ZNF462: variants seen among roughly 807,000 people sequenced by gnomAD.
ZNF462 encodes zinc finger protein 462.
A neutral mutation model predicts 201.9 loss-of-function variants in ZNF462; 10 were observed. That is an observed-to-expected ratio of 0.05 (90% confidence interval 0.03 to 0.08). The LOEUF is 0.08. ZNF462 is among the 10% of genes least tolerant of loss of function. The probability of loss-of-function intolerance (pLI) is 1.00; values close to 1 mark genes in which losing one functional copy is unlikely to be tolerated. For missense variants in ZNF462, 2,523 were observed against 3,168.3 expected, an observed-to-expected ratio of 0.80 and a Z score of 4.89; for synonymous variants, 1,227 against 1,193.3, an observed-to-expected ratio of 1.03 and a Z score of -0.58.
At position 106,919,737 on chromosome 9, in the gene ZNF462, G is replaced by A. The variant is rs1370614484; in HGVS notation, c.-30-3617G>A. Among the ~76,000 whole-genome samples, 1 of 152,196 alleles carries A rather than the reference G, an allele frequency of 6.6e-6. No homozygotes were observed. The highest frequency in any genetic ancestry group is 1.5e-5 in the Non-Finnish European group (1 of 68,028). ...GTTAGGAGGACCAGTCACATTAGGT[G>A]CCAGTTATTTTAGAATGAATCTGTG... is the stretch of plus-strand genomic sequence containing the variant. On this transcript the variant is annotated intron_variant, in intron 1 of 12. Coordinates refer to ENST00000277225, the MANE Select transcript of ZNF462 (RefSeq NM_021224.6). The surrounding 1 kb of genome is among the most constrained non-coding windows in gnomAD (Gnocchi z 4.5).
rs1005512175 is a variant in ZNF462, at chr9:106,926,838, A to G, written c.2926A>G (p.Thr976Ala). 3.1e-6 allele frequency: 5 copies of G among 1,614,002 alleles called. No homozygotes were observed. The highest frequency in any genetic ancestry group is 1.3e-5 in the African/African-American group (1 of 74,910). ...QQEGLNTESQ[T>A]LREILNSAPK... ...GGAAGGGCTGAATACAGAATCCCAG[A>G]CCCTGAGGGAGATTCTGAATTCGGC... is the stretch of plus-strand genomic sequence containing the variant. The change falls in exon 3 of 13, where the codon ACC becomes GCC. Residue 976 changes from threonine (T) to alanine (A), a missense_variant. Coordinates refer to ENST00000277225, the MANE Select transcript of ZNF462 (RefSeq NM_021224.6). The surrounding 1 kb of genome is among the most constrained non-coding windows in gnomAD (Gnocchi z 7.9).
rs1564172543 is a variant in ZNF462 at position 107,010,049 on chromosome 9, G to C, written c.7313+381G>C. ...GCCTCTCTGACTGATCATTCCCTGA[G>C]TGGCCCTGAACATTCCCATGTACTG... On this transcript the variant is annotated intron_variant, in intron 12 of 12. Transcript: ENST00000277225. The surrounding 1 kb of genome is among the most constrained non-coding windows in gnomAD (Gnocchi z 4.6). Among the ~76,000 whole-genome samples, 2 of 152,116 alleles carry C rather than the reference G, an allele frequency of 1.3e-5. No individual in the cohort carries two copies. The highest frequency in any genetic ancestry group is 2.9e-5 in the Non-Finnish European group (2 of 68,026).
intron 1 of ZNF462, among the ~76,000 whole-genome samples, chr9:106,914,286 T>C (rs557847298): frequency 6.6e-6 from 1 of 152,026 alleles, no homozygotes; most frequent in South Asian, 2.1e-4. Context: ...GATCATTAAG[T>C]TTTCAGTCTC....
chr9:106,899,760 C>G (rs374749818), intron 1 of ZNF462, among the ~76,000 whole-genome samples: 10 of 152,132 alleles, frequency 6.6e-5, no homozygotes, highest in African/African-American at 2.4e-4. Context: ...AACAACAGCT[C>G]ATTCTCAGGT....
intron 1 of ZNF462, among the ~76,000 whole-genome samples, chr9:106,903,591 A>C (rs575215568): frequency 6.6e-6 from 1 of 152,176 alleles, no homozygotes; most frequent in South Asian, 2.1e-4. Context: ...TTATTTTATA[A>C]ATTTGGGAGC....
intron 7 of ZNF462, among the ~76,000 whole-genome samples, chr9:106,941,519 A>G (rs1168464184): frequency 6.6e-6 from 1 of 152,180 alleles, no homozygotes; most frequent in African/African-American, 2.4e-5. Flanking sequence ...AGGGATTCTT[A>G]CTTTTATCCT....
At chr9:106,973,387 T>G (rs975076258) in intron 8 of ZNF462, among the ~76,000 whole-genome samples, 6 of 152,134 alleles carry the variant, frequency 3.9e-5, no homozygotes, top group African/African-American at 1.4e-4. Flanking sequence ...GTGTGTTCTA[T>G]CTCTATTAAT....
At chr9:106,989,955 G>A (rs181857986) in intron 10 of ZNF462, among the ~76,000 whole-genome samples, 24 of 151,754 alleles carry the variant, frequency 1.6e-4, no homozygotes, top group African/African-American at 4.1e-4. Context: ...TCTTGCTAAT[G>A]GTCTATCAAT....
At position 106,863,195 on chromosome 9, in the gene ZNF462, G is replaced by A. The variant is rs1827133390; in HGVS notation, c.-191G>A. On this transcript the variant is annotated 5_prime_UTR_variant, in exon 1 of 13. Transcript: ENST00000277225. ...CTGAGGAGCCGAGGAAGGCAGGGAA[G>A]ATGGCGATCCTCCATTGCTGAGACC... 2.0e-5 allele frequency: 8 copies of A among 399,198 alleles called. No homozygotes were observed. In the Admixed American group the frequency reaches 3.1e-4, roughly 15 times the overall value. 24.7% of individuals were successfully genotyped at this position (399,198 alleles called of 1,614,324 possible). A position where few individuals can be genotyped will look rare whatever the true frequency, so the allele number is the denominator to read the frequency against.
At position 106,950,905 on chromosome 9, in the gene ZNF462, C is replaced by A. The variant is rs1831314372; in HGVS notation, c.6427+11798C>A. On this transcript the variant is annotated intron_variant, in intron 7 of 12. Coordinates refer to ENST00000277225, the MANE Select transcript of ZNF462 (RefSeq NM_021224.6). This position sits in a 1 kb window ranked among gnomAD's most constrained non-coding sequence, Gnocchi z 4.1. The stretch of plus-strand genomic sequence containing the variant: ...AGGAGTTCAAGACCAGCCTGGCCAA[C>A]ATAGTGAAACCCCATCTCTACTAAA... 6.6e-6 allele frequency among the ~76,000 whole-genome samples: 1 copy of A among 152,042 alleles called. No individual in the cohort carries two copies. Among genetic ancestry groups the A allele is most frequent in the African/African-American group, 2.4e-5 (1 of 41,384 alleles).
intron 1 of ZNF462, among the ~76,000 whole-genome samples, chr9:106,866,079 TGGA>T (rs1356044761): frequency 6.6e-6 from 1 of 152,138 alleles, no homozygotes; most frequent in African/African-American, 2.4e-5. Flanking sequence ...AATGAAAACT[TGGA>T]GGAGATTCAG....
In ZNF462 at chr9:106,865,374, G is replaced by A. The variant is rs2130772270; in HGVS notation, c.-31+2019G>A. ...TTTCCTCCTTGTGAAGATGGTGATG[G>A]CCCTAAGCTGAGATTTTTTTGAGTT... On this transcript the variant is annotated intron_variant, in intron 1 of 12. Coordinates refer to ENST00000277225, the MANE Select transcript of ZNF462 (RefSeq NM_021224.6). The surrounding 1 kb of genome is among the most constrained non-coding windows in gnomAD (Gnocchi z 4.1). 6.6e-6 allele frequency among the ~76,000 whole-genome samples: 1 copy of A among 152,204 alleles called. No individual in the cohort carries two copies. Among genetic ancestry groups the A allele is most frequent in the South Asian group, 2.1e-4 (1 of 4,802 alleles).
chr9:106,956,586 C>T (rs901425858), intron 7 of ZNF462, among the ~76,000 whole-genome samples: 12 of 151,920 alleles, frequency 7.9e-5, no homozygotes, highest in Middle Eastern at 3.2e-3. Flanking sequence ...TTATTAACTT[C>T]CCCTTAGCTG....
intron 7 of ZNF462, among the ~76,000 whole-genome samples, chr9:106,951,732 G>A (rs1831357283): frequency 1.3e-5 from 2 of 152,068 alleles, no homozygotes; most frequent in Non-Finnish European, 1.5e-5. Flanking sequence ...GGTACCATAA[G>A]CCTGTCCAAG....
rs967194606 is a variant in ZNF462, at chr9:106,993,149, A to G, written c.7056+8740A>G. ...CGTAGAATGTATTTTCAGTTAAAGG[A>G]TTTCATTAAAAAGAACTGAACATTC... On this transcript the variant is annotated intron_variant, in intron 10 of 12. Transcript: ENST00000277225. This position sits in a 1 kb window ranked among gnomAD's most constrained non-coding sequence, Gnocchi z 4.0. Among the ~76,000 whole-genome samples, 2 of 152,168 alleles carry G rather than the reference A, an allele frequency of 1.3e-5. No homozygotes were observed. Among genetic ancestry groups the G allele is most frequent in the Admixed American group, 6.5e-5 (1 of 15,274 alleles).
rs367766250 is a variant in ZNF462 at position 106,911,707 on chromosome 9, A to G, written c.-30-11647A>G. ...CGTGAACAAACATAGAGATCTCAAC[A>G]TCTTCCTGATTTTCTAAGCTATTCT... On this transcript the variant is annotated intron_variant, in intron 1 of 12. Coordinates refer to ENST00000277225, the MANE Select transcript of ZNF462 (RefSeq NM_021224.6). 1.2e-4 allele frequency among the ~76,000 whole-genome samples: 18 copies of G among 152,292 alleles called. No individual in the cohort carries two copies. In the South Asian group the frequency reaches 1.2e-3, roughly 11 times the overall value.
rs1827420500 is a variant in ZNF462, at chr9:106,981,388, A to G, written c.6833-2798A>G. On this transcript the variant is annotated intron_variant, in intron 9 of 12. Coordinates refer to ENST00000277225, the MANE Select transcript of ZNF462 (RefSeq NM_021224.6). This position sits in a 1 kb window ranked among gnomAD's most constrained non-coding sequence, Gnocchi z 4.0. ...AGGGGTCCAAGAGGAGGGCCCTGGCAGAGATCAGAAGACCTGTGTTCCCAG... is the reference window on the plus strand; with the variant it reads ...AGGGGTCCAAGAGGAGGGCCCTGGCGGAGATCAGAAGACCTGTGTTCCCAG... Among the ~76,000 whole-genome samples the G allele has an allele frequency of 6.6e-6, 1 of 152,218 alleles. No homozygotes were observed. The highest frequency in any genetic ancestry group is 6.5e-5 in the Admixed American group (1 of 15,282).
rs763229535 is a variant in ZNF462, at chr9:106,883,769, ATCAGCAGCCCTGGCTTGT to A, written c.-31+20418_-31+20435del. Among the ~76,000 whole-genome samples the A allele has an allele frequency of 1.3e-4, 20 of 152,224 alleles. No homozygotes were observed. The highest frequency in any genetic ancestry group is 2.2e-4 in the Non-Finnish European group (15 of 68,040). On this transcript the variant is annotated intron_variant, in intron 1 of 12. Coordinates refer to ENST00000277225, the MANE Select transcript of ZNF462 (RefSeq NM_021224.6). This position sits in a 1 kb window ranked among gnomAD's most constrained non-coding sequence, Gnocchi z 4.9. ...TGGCTTATTTATCCTTCTACCTGGA[ATCAGCAGCCCTGGCTTGT>A]TCATTTAGATGGACAGGGGAGCCTA...
intron 7 of ZNF462, among the ~76,000 whole-genome samples, chr9:106,957,853 T>A (rs1435886788): frequency 6.6e-6 from 1 of 152,140 alleles, no homozygotes; most frequent in African/African-American, 2.4e-5. Context: ...TTGCAGCACA[T>A]GGATAAAGCA....
Sources: allele counts gnomAD v4.1 joint callset (sites outside exome capture counted in the v4.1 genomes callset), GRCh38; gene constraint gnomAD v4.1.1; non-coding constraint Gnocchi (gnomAD v3.1); transcripts MANE v1.5; gene names NCBI Gene and HGNC (gene_info 2026-07-23, HGNC 2026-07-21).